The following NFIB variants were observed in gnomAD, a reference collection of about 807,000 sequenced individuals.
NFIB encodes the protein nuclear factor 1 B-type.
Under a neutral mutation model 61.5 loss-of-function variants are expected in NFIB, and 11 were observed. The ratio of observed to expected loss-of-function variants is 0.18; its 90% confidence interval spans 0.11 to 0.30. The LOEUF is 0.30. NFIB is among the 10% of genes least tolerant of loss of function. The pLI is 1.00. For synonymous variants in NFIB, 260 were observed against 216.5 expected, an observed-to-expected ratio of 1.20 and a Z score of -1.76; for missense variants, 471 against 608.9, an observed-to-expected ratio of 0.77 and a Z score of 2.38.
chr9:14,271,040 G>A (rs372881155), intron 2 of NFIB, among the ~76,000 whole-genome samples: 2 of 151,830 alleles, frequency 1.3e-5, no homozygotes, highest in East Asian at 1.9e-4. Context: ...CCATTCTCAC[G>A]TATGCATGTT....
intron 2 of NFIB, among the ~76,000 whole-genome samples, chr9:14,231,120 G>A (rs112780024): frequency 0.04 from 2,606 of 65,726 alleles, 192 homozygotes; most frequent in South Asian, 0.074. Flanking sequence ...TTTCCATGGG[G>A]AAAAAAAAAA....
At chr9:14,410,532 C>T in the NFIB span, among the ~76,000 whole-genome samples, 1 of 152,096 alleles carries the variant, frequency 6.6e-6, no homozygotes, top group African/African-American at 2.4e-5. Flanking sequence ...CTCTGGTAAC[C>T]TCCTAAAAAT....
intron 1 of NFIB, among the ~76,000 whole-genome samples, chr9:14,324,668 C>T (rs573352586): frequency 2.0e-5 from 3 of 152,252 alleles, no homozygotes; most frequent in East Asian, 3.9e-4. Context: ...GAGTTTGTAT[C>T]ACCTGTCAAA....
intron 1 of NFIB, among the ~76,000 whole-genome samples, chr9:14,372,956 G>A (rs1409424377): frequency 6.6e-6 from 1 of 151,818 alleles, no homozygotes. Flanking sequence ...GCTTAGATAT[G>A]AGCAAGCATC....
rs1215232464 is a variant in NFIB at position 14,083,393 on chromosome 9, T to G, written c.*4916A>C. On this transcript the variant is annotated 3_prime_UTR_variant, in exon 11 of 11. Coordinates refer to ENST00000380953, the MANE Select transcript of NFIB (RefSeq NM_001190737.2). ...GGGAACTACCAGAAAGTGCAAAATA[T>G]GAAGAAGGCAGCTTTCAGCTCCTTC... 1 of 221,246 alleles carries G rather than the reference T, an allele frequency of 4.5e-6. No individual in the cohort carries two copies. Among genetic ancestry groups the G allele is most frequent in the African/African-American group, 2.3e-5 (1 of 43,930 alleles). The allele number at this position is 221,246 out of a possible 1,614,324, so 13.7% of individuals were successfully genotyped here. A position where few individuals can be genotyped will look rare whatever the true frequency, so the allele number is the denominator to read the frequency against.
intron 1 of NFIB, among the ~76,000 whole-genome samples, chr9:14,373,074 T>C (rs974419061): frequency 2.6e-5 from 4 of 152,152 alleles, no homozygotes; most frequent in African/African-American, 7.2e-5. Context: ...CCAGGGATCC[T>C]GTTAGGAAGG....
the NFIB span, among the ~76,000 whole-genome samples, chr9:14,437,442 T>A: frequency 6.6e-6 from 1 of 152,182 alleles, no homozygotes; most frequent in Non-Finnish European, 1.5e-5. Context: ...AGCAAGAAGT[T>A]CCTGCTTGTG....
the NFIB span, among the ~76,000 whole-genome samples, chr9:14,460,491 C>T: frequency 2.2e-4 from 34 of 151,796 alleles, no homozygotes; most frequent in African/African-American, 8.2e-4. Flanking sequence ...ACGTTGTGCA[C>T]ATGTACCCTA....
intron 1 of NFIB, among the ~76,000 whole-genome samples, chr9:14,383,638 CTCTTT>C (rs1334824521): frequency 6.6e-6 from 1 of 152,180 alleles, no homozygotes; most frequent in Non-Finnish European, 1.5e-5. Context: ...GATAACAGAT[CTCTTT>C]TAAGACCAGA....
At chr9:14,482,569 T>C in the NFIB span, among the ~76,000 whole-genome samples, 1 of 152,230 alleles carries the variant, frequency 6.6e-6, no homozygotes, top group Non-Finnish European at 1.5e-5. Context: ...AGTGATACAC[T>C]GCATTCCTCA....
the NFIB span, among the ~76,000 whole-genome samples, chr9:14,411,619 A>T: frequency 6.6e-6 from 1 of 152,182 alleles, no homozygotes; most frequent in African/African-American, 2.4e-5. Flanking sequence ...CCACGGAACA[A>T]TACCAGGGCT....
the NFIB span, among the ~76,000 whole-genome samples, chr9:14,522,177 G>A: frequency 4.1e-3 from 623 of 152,242 alleles, 5 homozygotes; most frequent in African/African-American, 0.014. Flanking sequence ...AATCACTTGC[G>A]ATGAAGTCAA....
the NFIB span, among the ~76,000 whole-genome samples, chr9:14,505,353 G>T: frequency 1.3e-5 from 2 of 152,092 alleles, no homozygotes; most frequent in South Asian, 4.2e-4. Flanking sequence ...TAGTATTAGG[G>T]TGATAACTAG....
intron 2 of NFIB, among the ~76,000 whole-genome samples, chr9:14,201,890 C>A (rs2049073891): frequency 1.4e-5 from 2 of 146,168 alleles, no homozygotes; most frequent in African/African-American, 5.0e-5. Context: ...GATATTTATC[C>A]ATTCGTTTAT....
At chr9:14,155,213 C>T (rs900175629) in intron 4 of NFIB, among the ~76,000 whole-genome samples, 2 of 152,174 alleles carry the variant, frequency 1.3e-5, no homozygotes, top group African/African-American at 2.4e-5. Flanking sequence ...AAGGTAACGT[C>T]CCCTTTGCTT....
Position 14,313,715 on chromosome 9 carries a change from T to G in NFIB, c.-204A>C, listed in dbSNP as rs1186140721. On this transcript the variant is annotated 5_prime_UTR_variant, in exon 1 of 11. Transcript: ENST00000380953. This position sits in a 1 kb window ranked among gnomAD's most constrained non-coding sequence, Gnocchi z 4.5. The stretch of plus-strand genomic sequence containing the variant: ...TCAAGTTCACTCGGCGTGCTAGATT[T>G]CCAGGGGTGAAATCCAATCTACACT... 2.8e-6 allele frequency: 4 copies of G among 1,406,392 alleles called. No individual in the cohort carries two copies. Among genetic ancestry groups the G allele is most frequent in the Non-Finnish European group, 1.8e-6 (2 of 1,081,764 alleles). 87.1% of individuals were successfully genotyped at this position (1,406,392 alleles called of 1,614,324 possible).
At chr9:14,199,648 TG>T (rs1417948565) in intron 2 of NFIB, among the ~76,000 whole-genome samples, 14 of 152,224 alleles carry the variant, frequency 9.2e-5, no homozygotes, top group Non-Finnish European at 5.9e-5. Flanking sequence ...GAAAGGGCCA[TG>T]TATGTTTGTG....
At chr9:14,368,861 G>A (rs910683616) in intron 1 of NFIB, among the ~76,000 whole-genome samples, 12 of 152,112 alleles carry the variant, frequency 7.9e-5, no homozygotes, top group Admixed American at 2.6e-4. Flanking sequence ...TATTGTTCCC[G>A]TGAACTTGTG....
chr9:14,515,315 C>T, the NFIB span, among the ~76,000 whole-genome samples: 23 of 152,080 alleles, frequency 1.5e-4, no homozygotes, highest in Admixed American at 5.9e-4. Context: ...TTAGCCAGGG[C>T]CTAAAATGCA....
Sources: gnomAD v4.1 joint callset for allele counts (sites outside exome capture counted in the v4.1 genomes callset) on GRCh38, gnomAD v4.1.1 for gene constraint, Gnocchi (gnomAD v3.1) non-coding constraint, MANE v1.5 for transcripts, NCBI Gene and HGNC (gene_info 2026-07-23, HGNC 2026-07-21) for gene names.